The following YIPF7 variants were observed in gnomAD, a reference collection of about 807,000 sequenced individuals.
The protein encoded by YIPF7 is Yip1 domain family member 7.
Under a neutral mutation model 27.2 loss-of-function variants are expected in YIPF7, and 35 were observed. The ratio of observed to expected loss-of-function variants is 1.29; its 90% CI spans 0.98 to 1.70. The LOEUF (loss-of-function observed/expected upper bound fraction) is 1.70. YIPF7 is among the 40% of genes most tolerant of loss of function. YIPF7 has a pLI of 0.00. For missense variants in YIPF7, 358 were observed against 303.7 expected, an observed-to-expected ratio of 1.18 and a Z score of -1.33; for synonymous variants, 137 against 110.4, an observed-to-expected ratio of 1.24 and a Z score of -1.51.
chr4:44,622,616 A>G (rs1185659077), intron 5 of YIPF7, 40 bp from the exon 6 acceptor site: 3 of 1,603,766 alleles, frequency 1.9e-6, no homozygotes, highest in Non-Finnish European at 2.6e-6. Flanking sequence ...GTGCCAGTAG[A>G]AAAGAGATTA....
intron 2 of YIPF7, among the ~76,000 whole-genome samples, chr4:44,656,713 T>C (rs1338450191): frequency 1.3e-5 from 2 of 152,048 alleles, no homozygotes; most frequent in Non-Finnish European, 2.9e-5. Context: ...TGATATTACA[T>C]AAATCTGAAT....
intron 3 of YIPF7, among the ~76,000 whole-genome samples, chr4:44,632,320 T>TA (rs1712935566): frequency 6.6e-6 from 1 of 152,226 alleles, no homozygotes; most frequent in Non-Finnish European, 1.5e-5. Flanking sequence ...AAGTATATGA[T>TA]ACATATGCTA....
At position 44,622,477 on chromosome 4, in the gene YIPF7, C is replaced by G. The variant is rs1454453823; in HGVS notation, c.708G>C (p.Gln236His). Reference protein sequence around the residue: ...FIAALHMEGQQLLVAYPCAIL... With the variant: ...FIAALHMEGQHLLVAYPCAIL... Reference sequence around the variant, plus strand: ...TGGCACAAGGGTAGGCAACAAGAAGCTGCTGTCCTTCCATGTGCAAGGCTG... The same window carrying G: ...TGGCACAAGGGTAGGCAACAAGAAGGTGCTGTCCTTCCATGTGCAAGGCTG... Residue 236 changes from glutamine (Q) to histidine (H), a missense_variant, in exon 6 of 6, where the codon CAG (glutamine) becomes CAC (histidine). Transcript: ENST00000415895. 3 of 1,613,766 alleles carry G rather than the reference C, an allele frequency of 1.9e-6. No homozygotes were observed. In the African/African-American group the frequency reaches 4.0e-5, roughly 22 times the overall value.
intron 1 of YIPF7, among the ~76,000 whole-genome samples, chr4:44,651,265 T>A (rs1160484575): frequency 6.6e-6 from 1 of 152,182 alleles, no homozygotes; most frequent in African/African-American, 2.4e-5. Context: ...AGATTTTTCA[T>A]TAGTAATGTG....
At chr4:44,640,876 G>A (rs1713300373) in intron 2 of YIPF7, among the ~76,000 whole-genome samples, 1 of 151,874 alleles carries the variant, frequency 6.6e-6, no homozygotes, top group Non-Finnish European at 1.5e-5. Flanking sequence ...GCCTAGGACT[G>A]GAATTCTCAG....
intron 3 of YIPF7, among the ~76,000 whole-genome samples, 171 bp downstream of exon 3, chr4:44,635,751 A>T (rs950921831): frequency 2.2e-4 from 34 of 152,338 alleles, no homozygotes; most frequent in African/African-American, 8.2e-4. Context: ...CTATGCAAAC[A>T]TGCAACAAAC....
Position 44,622,241 on chromosome 4 carries a change from A to T in YIPF7, c.*173T>A. 1 of 779,412 alleles carries T rather than the reference A, an allele frequency of 1.3e-6. No homozygotes were observed. Among genetic ancestry groups the T allele is most frequent in the Non-Finnish European group, 2.0e-6 (1 of 497,696 alleles). 48.3% of individuals were successfully genotyped at this position (779,412 alleles called of 1,614,324 possible). ...GCACCAAACTCAAAAGCAAAACATC[A>T]TTCAAACCAACAGGCTATTAGAGCA... On this transcript the variant is annotated 3_prime_UTR_variant, in exon 6 of 6. Transcript: ENST00000415895.
At position 44,629,524 on chromosome 4, in the gene YIPF7, A is replaced by C. The variant is rs914541462; in HGVS notation, c.305T>G (p.Ile102Arg). ...LEELGIHFDH[I>R]WQKTLTVLNP... ...TAACACTGTCAAAGTTTTTTGCCAT[A>C]TGTGATCAAAATGGATTCCAAGTTC... Residue 102 changes from isoleucine (I) to arginine (R), a missense_variant, in exon 4 of 6, where the codon ATA (isoleucine) becomes AGA (arginine). Physicochemically the swap from Ile to Arg is moderately conservative, Grantham distance 97. Coordinates refer to ENST00000415895, the MANE Select transcript of YIPF7 (RefSeq NM_182592.3). 2 of 1,555,306 alleles carry C rather than the reference A, an allele frequency of 1.3e-6. No individual in the cohort carries two copies. Among genetic ancestry groups the C allele is most frequent in the African/African-American group, 2.7e-5 (2 of 73,168 alleles).
In YIPF7 at chr4:44,635,984, G is replaced by C; in HGVS notation, c.218C>G (p.Ser73Ter). 1 of 1,613,914 alleles carries C rather than the reference G, an allele frequency of 6.2e-7. No homozygotes were observed. The highest frequency in any genetic ancestry group is 8.5e-7 in the Non-Finnish European group (1 of 1,179,848). The change falls in exon 3 of 6, where the codon TCA becomes TGA. Residue 73 changes from serine (S) to a stop codon, truncating the protein, a stop_gained. Coordinates refer to ENST00000415895, the MANE Select transcript of YIPF7 (RefSeq NM_182592.3). LOFTEE classifies it high-confidence loss of function. Reference sequence around the variant, plus strand: ...GTAAGGAGATTGTGAATAATAATCTGAGTTGGATGCTGGCTGAAAAAATTG... The same window carrying C: ...GTAAGGAGATTGTGAATAATAATCTCAGTTGGATGCTGGCTGAAAAAATTG... ...AGQFFQPASNSDYYSQSPYID... is the reference protein window; with the variant it reads ...AGQFFQPASN
At position 44,629,400 on chromosome 4, in the gene YIPF7, T is replaced by A; in HGVS notation, c.426+3A>T. On this transcript the variant is annotated splice_donor_region_variant and intron_variant, in intron 4 of 5. Transcript: ENST00000415895. ...AAATCTGGTGCTTCCTGTGACACAT[T>A]ACCAGAAGCAAGGTGGCTCCCAGGG... is the stretch of plus-strand genomic sequence containing the variant. 6.3e-7 allele frequency: 1 copy of A among 1,586,110 alleles called. No individual in the cohort carries two copies.
rs370293646 is a variant in YIPF7 at position 44,636,011 on chromosome 4, C to G, written c.191G>C (p.Gly64Ala). 5.6e-6 allele frequency: 9 copies of G among 1,613,658 alleles called. No individual in the cohort carries two copies. The African/African-American group carries it at 6.7e-5, about 12-fold the overall frequency. Residue 64 changes from glycine to alanine, a missense_variant, in exon 3 of 6, where the codon GGA becomes GCA. Gly to Ala is a moderately conservative substitution (Grantham distance 60). Coordinates refer to ENST00000415895, the MANE Select transcript of YIPF7 (RefSeq NM_182592.3). ...GTTGGATGCTGGCTGAAAAAATTGT[C>G]CTGCGTAACCCGATGACATGAGCAT... ...SEMLMSSGYA[G>A]QFFQPASNSD...
chr4:44,623,991 T>C (rs1327029026), intron 5 of YIPF7, among the ~76,000 whole-genome samples: 1 of 152,016 alleles, frequency 6.6e-6, no homozygotes, highest in South Asian at 2.1e-4. Flanking sequence ...GTTCTTATTT[T>C]ACACATGACA....
At chr4:44,625,782 G>A (rs1434364375) in intron 4 of YIPF7, among the ~76,000 whole-genome samples, 1 of 152,168 alleles carries the variant, frequency 6.6e-6, no homozygotes, top group Non-Finnish European at 1.5e-5. Context: ...TACTTCAGAA[G>A]AGGATATTTT....
chr4:44,633,426 A>G (rs1419181947), intron 3 of YIPF7, among the ~76,000 whole-genome samples: 1 of 151,666 alleles, frequency 6.6e-6, no homozygotes, highest in Non-Finnish European at 1.5e-5. Context: ...CAGGAAAAAA[A>G]TTAGTTAAGC....
At chr4:44,661,609 T>C (rs894047695) in intron 1 of YIPF7, among the ~76,000 whole-genome samples, 1 of 152,202 alleles carries the variant, frequency 6.6e-6, no homozygotes, top group African/African-American at 2.4e-5. Context: ...TTGTAAAGGG[T>C]ACACATGTCT....
chr4:44,647,238 T>G (rs1205805158), intron 2 of YIPF7, among the ~76,000 whole-genome samples: 4 of 152,138 alleles, frequency 2.6e-5, no homozygotes, highest in Admixed American at 2.6e-4. Context: ...TCATTTTGAT[T>G]TCTAGGAAAT....
chr4:44,623,044 C>T (rs1023601461), intron 5 of YIPF7, among the ~76,000 whole-genome samples: 12 of 152,150 alleles, frequency 7.9e-5, no homozygotes, highest in Non-Finnish European at 1.3e-4. Context: ...TTTTGTCGGA[C>T]GTCACAAAAA....
rs1418455054 is a variant in YIPF7, at chr4:44,624,655, T to C, written c.554A>G (p.Tyr185Cys). The change falls in exon 5 of 6, where the codon TAC becomes TGC. Residue 185 changes from tyrosine to cysteine, a missense_variant. Coordinates refer to ENST00000415895, the MANE Select transcript of YIPF7 (RefSeq NM_182592.3). The stretch of plus-strand genomic sequence containing the variant: ...CAGGATGACCATGGGGAGCAGGCAG[T>C]AACCCAGCACGCTGGCCACACAGCC... ...SYGCVASVLG[Y>C]CLLPMVILSG... The C allele has an allele frequency of 6.2e-7, 1 of 1,603,816 alleles. No homozygotes were observed.
At chr4:44,625,557 A>C (rs187949705) in intron 4 of YIPF7, among the ~76,000 whole-genome samples, 1 of 152,310 alleles carries the variant, frequency 6.6e-6, no homozygotes, top group Non-Finnish European at 1.5e-5. Context: ...CACCTTATGA[A>C]AAGGTGATTT....
Sources: gnomAD v4.1 joint callset for allele counts (sites outside exome capture counted in the v4.1 genomes callset) on GRCh38, gnomAD v4.1.1 for gene constraint, MANE v1.5 for transcripts, NCBI Gene and HGNC (gene_info 2026-07-23, HGNC 2026-07-21) for gene names.